Variants in EFNA5 observed in about 807,000 individuals in gnomAD.
The protein encoded by EFNA5 is ephrin-A5.
Under a neutral mutation model 22.9 loss-of-function variants are expected in EFNA5, and 5 were observed. The ratio of observed to expected loss-of-function variants is 0.22; its 90% CI spans 0.11 to 0.46. The LOEUF (loss-of-function observed/expected upper bound fraction) is 0.46, where lower values mean the gene tolerates loss of function less well. Among genes scored for constraint, EFNA5 ranks in the 20% least tolerant of loss-of-function variants. The probability of loss-of-function intolerance (pLI) is 0.99; values close to 1 mark genes in which losing one functional copy is unlikely to be tolerated. For synonymous variants in EFNA5, 113 were observed against 112.2 expected (o/e 1.01, Z -0.04); for missense variants, 237 against 293.3 (o/e 0.81, Z 1.40).
chr5:107,529,166 G>T (rs187396016), intron 1 of EFNA5, among the ~76,000 whole-genome samples: 1 of 152,222 alleles, frequency 6.6e-6, no homozygotes, highest in East Asian at 1.9e-4. Flanking sequence ...AAATTAGCCA[G>T]CTAATTTCAA....
At chr5:107,547,937 A>G (rs374770031) in intron 1 of EFNA5, among the ~76,000 whole-genome samples, 2 of 152,246 alleles carry the variant, frequency 1.3e-5, no homozygotes, top group Non-Finnish European at 2.9e-5. Context: ...ATAGCATTCA[A>G]TTTCAGAGAA....
At chr5:107,496,164 TAA>T (rs35565454) in intron 1 of EFNA5, among the ~76,000 whole-genome samples, 2,642 of 93,158 alleles carry the variant, frequency 0.028, 97 homozygotes, top group African/African-American at 0.1. Context: ...CTGTCTCTGC[TAA>T]AAAAAAAAAA....
At chr5:107,388,515 T>A (rs909776240) in intron 2 of EFNA5, 2 of 152,114 alleles carry the variant, frequency 1.3e-5, no homozygotes, top group Non-Finnish European at 2.9e-5. Context: ...TTTCAAGTTA[T>A]AAATCACTTG....
At chr5:107,612,418 T>G (rs1050624466) in intron 1 of EFNA5, among the ~76,000 whole-genome samples, 4 of 152,084 alleles carry the variant, frequency 2.6e-5, no homozygotes, top group Non-Finnish European at 5.9e-5. Flanking sequence ...GGAAAGCCTA[T>G]TTGTTGCTAG....
chr5:107,546,099 T>C (rs185614726), intron 1 of EFNA5, among the ~76,000 whole-genome samples: 2 of 152,256 alleles, frequency 1.3e-5, no homozygotes, highest in Admixed American at 1.3e-4. Flanking sequence ...CCATTTCCCT[T>C]AAGCGATATC....
chr5:107,431,793 T>C (rs2112426026), intron 1 of EFNA5, among the ~76,000 whole-genome samples: 1 of 152,324 alleles, frequency 6.6e-6, no homozygotes, highest in South Asian at 2.1e-4. Context: ...GCATCCAGGA[T>C]CTGCTATGGG....
chr5:107,426,965 A>G (rs1486034286), intron 2 of EFNA5: 4 of 405,120 alleles, frequency 9.9e-6, no homozygotes, highest in African/African-American at 2.1e-5. Flanking sequence ...TTTCATTTAA[A>G]AAAAATACAA....
chr5:107,515,412 C>T (rs1366616612), intron 1 of EFNA5, among the ~76,000 whole-genome samples: 1 of 146,454 alleles, frequency 6.8e-6, no homozygotes, highest in African/African-American at 2.5e-5. Flanking sequence ...TGGAGTCTTG[C>T]TGTGTTGCCA....
At chr5:107,535,562 T>C (rs983352838) in intron 1 of EFNA5, among the ~76,000 whole-genome samples, 1 of 149,684 alleles carries the variant, frequency 6.7e-6, no homozygotes, top group South Asian at 2.1e-4. Flanking sequence ...ACCTTTATTA[T>C]ATGACATTAT....
intron 2 of EFNA5, among the ~76,000 whole-genome samples, chr5:107,388,308 A>G (rs568878411): frequency 6.6e-6 from 1 of 152,314 alleles, no homozygotes; most frequent in South Asian, 2.1e-4. Flanking sequence ...CAGGTAATTC[A>G]ATTAGAGGTT....
intron 1 of EFNA5, among the ~76,000 whole-genome samples, chr5:107,475,559 A>G (rs1377903445): frequency 6.6e-6 from 1 of 152,214 alleles, no homozygotes; most frequent in East Asian, 1.9e-4. Context: ...TAAGGCTTTC[A>G]GTAGCACAAT....
chr5:107,453,341 T>C (rs149089943), intron 1 of EFNA5, among the ~76,000 whole-genome samples: 15 of 152,306 alleles, frequency 9.8e-5, no homozygotes, highest in African/African-American at 3.6e-4. Flanking sequence ...ATAAATCTTA[T>C]ATTCAGAACA....
At chr5:107,654,254 T>G (rs1233045222) in intron 1 of EFNA5, among the ~76,000 whole-genome samples, 2 of 152,272 alleles carry the variant, frequency 1.3e-5, no homozygotes, top group East Asian at 3.9e-4. Flanking sequence ...TGGGTTTACA[T>G]TGCCTTCTGT....
chr5:107,411,160 C>T (rs1748356472), intron 2 of EFNA5, among the ~76,000 whole-genome samples: 1 of 152,078 alleles, frequency 6.6e-6, no homozygotes, highest in Non-Finnish European at 1.5e-5. Context: ...GTAAATTGAC[C>T]TCTGCCCCTG....
intron 1 of EFNA5, among the ~76,000 whole-genome samples, chr5:107,625,417 A>G (rs1750122307): frequency 1.3e-5 from 2 of 152,206 alleles, no homozygotes; most frequent in African/African-American, 2.4e-5. Flanking sequence ...AAATAAAAAA[A>G]AAATCACCAG....
chr5:107,427,543 A>T (rs923924806), intron 1 of EFNA5, 34 bp from the exon 2 acceptor site: 1 of 1,551,956 alleles, frequency 6.4e-7, no homozygotes, highest in Non-Finnish European at 8.7e-7. Flanking sequence ...GTGATAATTC[A>T]TAGAGAAAGG....
intron 1 of EFNA5, among the ~76,000 whole-genome samples, chr5:107,634,873 T>C (rs1750338835): frequency 6.6e-6 from 1 of 152,070 alleles, no homozygotes; most frequent in Non-Finnish European, 1.5e-5. Flanking sequence ...GGGAAAGGAA[T>C]AAAACTAGAT....
chr5:107,422,613 T>A (rs1748701848), intron 2 of EFNA5, among the ~76,000 whole-genome samples: 1 of 151,882 alleles, frequency 6.6e-6, no homozygotes, highest in African/African-American at 2.4e-5. Context: ...GTGTACTGGA[T>A]AGGAGAGGGA....
At chr5:107,449,733 C>A (rs1433630644) in intron 1 of EFNA5, among the ~76,000 whole-genome samples, 4 of 152,204 alleles carry the variant, frequency 2.6e-5, no homozygotes, top group Non-Finnish European at 4.4e-5. Context: ...ATAACGTACA[C>A]TTAATCAAAA....
Sources: allele counts gnomAD v4.1 joint callset (sites outside exome capture counted in the v4.1 genomes callset), GRCh38; gene constraint gnomAD v4.1.1; transcripts MANE v1.5; gene names NCBI Gene and HGNC (gene_info 2026-07-23, HGNC 2026-07-21).